The following MAGI2 variants were observed in gnomAD, a reference collection of about 807,000 sequenced individuals.
MAGI2 encodes membrane associated guanylate kinase, WW and PDZ domain containing 2.
In MAGI2, 35 loss-of-function variants were observed where a neutral mutation model predicts 133.3. That is an observed-to-expected ratio of 0.26 (90% CI 0.20 to 0.35). The LOEUF (loss-of-function observed/expected upper bound fraction) is 0.35. MAGI2 is among the 10% of genes least tolerant of loss of function. The pLI, the probability that MAGI2 is intolerant of heterozygous loss-of-function variation, is 1.00. For synonymous variants in MAGI2, 729 were observed against 710.6 expected (o/e 1.03, Z -0.41); for missense variants, 1,636 against 1,863.4 (o/e 0.88, Z 2.25).
At chr7:79,296,872 G>A (rs1836970907) in intron 1 of MAGI2, among the ~76,000 whole-genome samples, 1 of 152,164 alleles carries the variant, frequency 6.6e-6, no homozygotes, top group Non-Finnish European at 1.5e-5. Flanking sequence ...ATAGGTAGAA[G>A]AGAGGATTTT....
At chr7:79,262,677 G>A (rs913737512) in intron 1 of MAGI2, among the ~76,000 whole-genome samples, 4 of 152,188 alleles carry the variant, frequency 2.6e-5, no homozygotes, top group African/African-American at 4.8e-5. Context: ...GGTAGGATAC[G>A]TAAAGGATAT....
At chr7:78,492,335 A>G (rs1198225565) in intron 5 of MAGI2, among the ~76,000 whole-genome samples, 3 of 152,080 alleles carry the variant, frequency 2.0e-5, no homozygotes, top group African/African-American at 7.2e-5. Context: ...TTTTTAGCTG[A>G]TCTTCAGAAA....
At chr7:79,141,647 G>A (rs147965622) in intron 1 of MAGI2, among the ~76,000 whole-genome samples, 4 of 151,940 alleles carry the variant, frequency 2.6e-5, no homozygotes, top group East Asian at 1.9e-4. Context: ...GCCAAATAAC[G>A]TTGTGTTCAA....
rs927498955 is a variant in MAGI2 at position 79,328,779 on chromosome 7, TTCTC to T, written c.301+124237_301+124240del. ...TTTGAATAGAAATAGCTTAGTTTTC[TTCTC>T]TCTCTCTCTATTTTTCTTGTGCTTA... On this transcript the variant is annotated intron_variant, in intron 1 of 21. Coordinates refer to ENST00000354212, the MANE Select transcript of MAGI2 (RefSeq NM_012301.4). Among the ~76,000 whole-genome samples the T allele has an allele frequency of 5.1e-5, 7 of 137,716 alleles. No individual in the cohort carries two copies. The East Asian group carries it at 1.4e-3, about 27-fold the overall frequency. 90.3% of individuals were successfully genotyped at this position (137,716 alleles called of 152,430 possible). A position where few individuals can be genotyped will look rare whatever the true frequency, so the allele number is the denominator to read the frequency against.
At chr7:78,834,569 T>G in intron 2 of MAGI2, among the ~76,000 whole-genome samples, 1 of 152,216 alleles carries the variant, frequency 6.6e-6, no homozygotes, top group East Asian at 1.9e-4. Context: ...TATACCATAT[T>G]GTATTTATTA....
intron 1 of MAGI2, among the ~76,000 whole-genome samples, chr7:79,290,405 T>G (rs1836373850): frequency 6.6e-6 from 1 of 151,670 alleles, no homozygotes. Context: ...TAAATTTTTT[T>G]GAATGGTCAG....
chr7:79,317,720 T>TA (rs1838848632), intron 1 of MAGI2, among the ~76,000 whole-genome samples: 1 of 152,142 alleles, frequency 6.6e-6, no homozygotes, highest in Non-Finnish European at 1.5e-5. Flanking sequence ...CTGGCTCTCA[T>TA]ACTGGACAGC....
rs116947019 is a variant in MAGI2, at chr7:79,012,754, T to C, written c.302-5548A>G. On this transcript the variant is annotated intron_variant, in intron 1 of 21. Transcript: ENST00000354212. ...TCTCATCTATAAAAGGAAGGTGGCT[T>C]AGTTACTTAAAGCTGCTATAACAAT... 7.1e-3 allele frequency among the ~76,000 whole-genome samples: 1,080 copies of C among 152,256 alleles called. 14 individuals carry two copies. The highest frequency in any genetic ancestry group is 8.4e-3 in the Non-Finnish European group (569 of 68,004).
At chr7:78,296,316 T>C (rs1008122963) in intron 9 of MAGI2, among the ~76,000 whole-genome samples, 1 of 152,202 alleles carries the variant, frequency 6.6e-6, no homozygotes, top group African/African-American at 2.4e-5. Flanking sequence ...CTAACCAGCC[T>C]GTTGCTGTCA....
At chr7:78,197,814 C>G (rs1828870695) in intron 11 of MAGI2, 1 of 152,410 alleles carries the variant, frequency 6.6e-6, no homozygotes, top group South Asian at 2.1e-4. Flanking sequence ...GCCCTGCTCC[C>G]TCCTAAACGG....
intron 1 of MAGI2, among the ~76,000 whole-genome samples, chr7:79,260,807 T>C (rs920430815): frequency 1.3e-5 from 2 of 152,200 alleles, no homozygotes; most frequent in African/African-American, 4.8e-5. Context: ...CCCCAAGATA[T>C]CTCATTATGT....
intron 2 of MAGI2, among the ~76,000 whole-genome samples, chr7:78,630,784 A>G (rs1224955419): frequency 6.6e-6 from 1 of 152,202 alleles, no homozygotes; most frequent in Non-Finnish European, 1.5e-5. Flanking sequence ...TAATCATTAA[A>G]TAAACTCTCT....
Position 78,019,832 on chromosome 7 carries a change from G to A in MAGI2, c.3851C>T (p.Pro1284Leu). 1 of 1,613,602 alleles carries A rather than the reference G, an allele frequency of 6.2e-7. No individual in the cohort carries two copies. Among genetic ancestry groups the A allele is most frequent in the South Asian group, 1.1e-5 (1 of 91,066 alleles). ...SDPSHQISPG[P>L]TWDIKREHDV... ...GTGTTCCCGTTTGATATCCCAAGTT[G>A]GGCCTGGGCTTATCTGGTGGGAAGG... The change falls in exon 22 of 22, where the codon CCA becomes CTA. Residue 1284 changes from proline to leucine, a missense_variant. By Grantham distance (98) the Pro-to-Leu change is moderately conservative. Transcript: ENST00000354212.
intron 4 of MAGI2, among the ~76,000 whole-genome samples, chr7:78,509,572 T>A (rs1795393083): frequency 6.6e-6 from 1 of 152,208 alleles, no homozygotes; most frequent in East Asian, 1.9e-4. Context: ...ATGGTTCTGG[T>A]ACAGTCTAAG....
intron 3 of MAGI2, among the ~76,000 whole-genome samples, chr7:78,541,653 A>G (rs1417896800): frequency 6.6e-6 from 1 of 152,122 alleles, no homozygotes; most frequent in Non-Finnish European, 1.5e-5. Context: ...AGAAATGCAC[A>G]TTCTCAGGCC....
chr7:78,713,104 TG>T (rs767275691), intron 2 of MAGI2, among the ~76,000 whole-genome samples: 8 of 152,296 alleles, frequency 5.3e-5, no homozygotes, highest in Non-Finnish European at 1.0e-4. Flanking sequence ...TGTGAGACTA[TG>T]TTTGAAAGCC....
At chr7:79,437,625 A>C (rs892758625) in intron 1 of MAGI2, among the ~76,000 whole-genome samples, 13 of 152,154 alleles carry the variant, frequency 8.5e-5, no homozygotes, top group African/African-American at 3.1e-4. Context: ...AATTTGCTCC[A>C]AGTATAGCCT....
intron 2 of MAGI2, among the ~76,000 whole-genome samples, chr7:78,895,103 A>T (rs530868717): frequency 6.6e-6 from 1 of 152,300 alleles, no homozygotes; most frequent in East Asian, 1.9e-4. Context: ...GGGTTAATGA[A>T]TTAATGGGTT....
chr7:78,404,596 T>C (rs1482612659), intron 6 of MAGI2, among the ~76,000 whole-genome samples: 2 of 152,134 alleles, frequency 1.3e-5, no homozygotes. Flanking sequence ...TAAATGGTGC[T>C]GGGAAAACTG....
Sources: allele counts gnomAD v4.1 joint callset (sites outside exome capture counted in the v4.1 genomes callset), GRCh38; gene constraint gnomAD v4.1.1; transcripts MANE v1.5; gene names NCBI Gene and HGNC (gene_info 2026-07-23, HGNC 2026-07-21).